NEAT1: variants seen among roughly 807,000 people sequenced by gnomAD.
The protein encoded by NEAT1 is nuclear paraspeckle assembly transcript 1.
chr11:65,430,325 A>G (rs1856603199), exon 1 of NEAT1: 2 of 152,132 alleles, frequency 1.3e-5, no homozygotes, highest in African/African-American at 2.4e-5. Flanking sequence ...TGGACCTTTC[A>G]TGTAACGGGA....
chr11:65,444,307 G>C (rs1856743905), exon 1 of NEAT1: 1 of 379,838 alleles, frequency 2.6e-6, no homozygotes, highest in Admixed American at 3.3e-5. Flanking sequence ...GTGTGTGTGT[G>C]TGTGTGTGTG....
chr11:65,437,697 T>G lies in NEAT1; in HGVS notation n.14900T>G, dbSNP rs1003550729. 4 of 152,096 alleles carry G rather than the reference T, an allele frequency of 2.6e-5. No homozygotes were observed. The South Asian group carries it at 8.3e-4, about 31-fold the overall frequency. 9.4% of individuals were successfully genotyped at this position (152,096 alleles called of 1,614,324 possible). A position where few individuals can be genotyped will look rare whatever the true frequency, so the allele number is the denominator to read the frequency against. On this transcript the variant is annotated non_coding_transcript_exon_variant, in exon 1 of 1. Transcript: ENST00000501122. ...CCACTCACGTCTATTTAATTTGACTTTGCATTACACAGAAAGCTGGTCTTG... is the reference window on the plus strand; with the variant it reads ...CCACTCACGTCTATTTAATTTGACTGTGCATTACACAGAAAGCTGGTCTTG...
exon 1 of NEAT1, chr11:65,430,394 T>G (rs551131323): frequency 6.6e-6 from 1 of 152,258 alleles, no homozygotes; most frequent in Non-Finnish European, 1.5e-5. Context: ...TCCAGTAGTA[T>G]TTCCCTGTAC....
exon 1 of NEAT1, chr11:65,427,958 G>T (rs1856578116): frequency 6.6e-6 from 1 of 152,176 alleles, no homozygotes; most frequent in African/African-American, 2.4e-5. Flanking sequence ...GTTGATACAG[G>T]AGCAGAGAGG....
chr11:65,444,508 G>A (rs12803915), exon 1 of NEAT1: 83,426 of 490,522 alleles, frequency 0.17, 7,664 homozygotes, highest in Middle Eastern at 0.22. Context: ...AGCACTAGCA[G>A]GAGGGGCTCC....
exon 1 of NEAT1, chr11:65,431,443 A>G (rs1350524595): frequency 6.6e-6 from 1 of 152,196 alleles, no homozygotes; most frequent in Non-Finnish European, 1.5e-5. Context: ...GTATTACTAA[A>G]TCTTACGATA....
chr11:65,424,602 T>C (rs957636027), exon 1 of NEAT1: 4 of 152,132 alleles, frequency 2.6e-5, no homozygotes, highest in African/African-American at 9.7e-5. Context: ...TGGGGATATA[T>C]TAGAGGAAGC....
At chr11:65,427,405 G>A (rs1447388481) in exon 1 of NEAT1, 3 of 152,414 alleles carry the variant, frequency 2.0e-5, no homozygotes, top group Non-Finnish European at 2.9e-5. Flanking sequence ...AACACAAATG[G>A]TGGGGGATCA....
exon 1 of NEAT1, chr11:65,436,217 G>A (rs1038393889): frequency 3.3e-5 from 5 of 152,252 alleles, no homozygotes; most frequent in African/African-American, 1.2e-4. Flanking sequence ...CTGCCTCGGT[G>A]GACTTACTAC....
exon 1 of NEAT1, chr11:65,437,232 T>C (rs1856668947): frequency 2.0e-5 from 3 of 146,518 alleles, no homozygotes; most frequent in African/African-American, 7.5e-5. Context: ...TATATACATA[T>C]ATATATACAT....
exon 1 of NEAT1, chr11:65,432,128 A>G (rs643997): frequency 0.99 from 150,094 of 152,322 alleles, 73,996 homozygotes; most frequent in East Asian, 1. Flanking sequence ...GAATTGTGCT[A>G]TGATCAGGTG....
At chr11:65,437,211 G>GTATATATATATATATACATATATA (rs1400271327) in exon 1 of NEAT1, 1 of 120,356 alleles carries the variant, frequency 8.3e-6, no homozygotes, top group South Asian at 2.5e-4. Context: ...ATATATATAT[G>GTATATATATATATATACATATATA]TATATATATA....
At chr11:65,439,775 G>C (rs1204719382) in exon 1 of NEAT1, 1 of 151,606 alleles carries the variant, frequency 6.6e-6, no homozygotes, top group Non-Finnish European at 1.5e-5. Context: ...TTAAGGTCTT[G>C]GGGGGGGTGT....
chr11:65,435,515 T>C (rs1250830632), exon 1 of NEAT1: 2 of 152,198 alleles, frequency 1.3e-5, no homozygotes, highest in Admixed American at 6.5e-5. Flanking sequence ...ATTTGCAGTT[T>C]CCTAGCCATC....
chr11:65,441,585 G>A lies in NEAT1; in HGVS notation n.18788G>A, dbSNP rs148242300. The A allele has an allele frequency of 1.4e-4, 22 of 152,140 alleles. 1 individual carries two copies. In the East Asian group the frequency reaches 4.2e-3, roughly 29 times the overall value. 9.4% of individuals were successfully genotyped at this position (152,140 alleles called of 1,614,324 possible). A position where few individuals can be genotyped will look rare whatever the true frequency, so the allele number is the denominator to read the frequency against. On this transcript the variant is annotated non_coding_transcript_exon_variant, in exon 1 of 1. Transcript: ENST00000501122. Reference sequence around the variant, plus strand: ...CCTTTTTTATATGTATTAGTGTAGAGTAGCATTTTATATTTTGATATCCTC... The same window carrying A: ...CCTTTTTTATATGTATTAGTGTAGAATAGCATTTTATATTTTGATATCCTC...
chr11:65,430,447 A>C (rs1670430596), exon 1 of NEAT1: 1 of 152,176 alleles, frequency 6.6e-6, no homozygotes, highest in Admixed American at 6.5e-5. Flanking sequence ...TTTTCTCAGG[A>C]TTCTTAACCT....
chr11:65,428,912 A>G (rs1180353452), exon 1 of NEAT1: 1 of 152,202 alleles, frequency 6.6e-6, no homozygotes, highest in Non-Finnish European at 1.5e-5. Flanking sequence ...ACCAGTAACA[A>G]TTGTTATGGG....
chr11:65,443,397 A>C (rs1215255465), exon 1 of NEAT1: 2 of 152,200 alleles, frequency 1.3e-5, no homozygotes, highest in Non-Finnish European at 2.9e-5. Flanking sequence ...GGACTTAAAT[A>C]TCTATGAGGG....
chr11:65,444,105 A>C (rs1856741331), exon 1 of NEAT1: 2 of 226,522 alleles, frequency 8.8e-6, no homozygotes, highest in South Asian at 9.2e-5. Context: ...CTGAAGTTGA[A>C]GCGAGGCTGT....
Sources: allele counts gnomAD v4.1 joint callset, GRCh38; gene constraint gnomAD v4.1.1; transcripts MANE v1.5; gene names NCBI Gene and HGNC (gene_info 2026-07-23, HGNC 2026-07-21).